ERP44: variants seen among roughly 807,000 people sequenced by gnomAD.
ERP44 encodes the protein endoplasmic reticulum protein 44, also known as endoplasmic reticulum resident protein 44.
In ERP44, 25 loss-of-function variants were observed where a neutral mutation model predicts 53.4. The ratio of observed to expected loss-of-function variants is 0.47; its 90% CI spans 0.34 to 0.65. The LOEUF is 0.65. Among genes scored for constraint, ERP44 ranks in the 30% least tolerant of loss-of-function variants. ERP44 has a pLI of 0.01. For missense variants in ERP44, 338 were observed against 493.2 expected (o/e 0.69, Z 2.98); for synonymous variants, 145 against 161.2 (o/e 0.90, Z 0.76).
intron 10 of ERP44, among the ~76,000 whole-genome samples, chr9:100,003,004 C>G (rs1830393868): frequency 6.6e-6 from 1 of 151,458 alleles, no homozygotes; most frequent in African/African-American, 2.4e-5. Flanking sequence ...TTCTTTTTTT[C>G]TTCTGTATGT....
chr9:100,095,101 TATAAA>T (rs1346536663), intron 1 of ERP44, among the ~76,000 whole-genome samples: 2 of 151,962 alleles, frequency 1.3e-5, no homozygotes, highest in African/African-American at 4.8e-5. Flanking sequence ...TTTATATAAT[TATAAA>T]ATAAAAGGTA....
Position 100,048,233 on chromosome 9 carries a change from A to C in ERP44, c.286+4184T>G, listed in dbSNP as rs536113823. Among the ~76,000 whole-genome samples, 9 of 152,270 alleles carry C rather than the reference A, an allele frequency of 5.9e-5. No individual in the cohort carries two copies. In the East Asian group the frequency reaches 1.3e-3, roughly 23 times the overall value. ...TATACCTAATGCTAAATGACGAGTT[A>C]ATGGGTGCAGCACACCAACATGGCA... On this transcript the variant is annotated intron_variant, in intron 4 of 11. Coordinates refer to ENST00000262455, the MANE Select transcript of ERP44 (RefSeq NM_015051.3).
chr9:100,067,875 C>T (rs1325364030), intron 1 of ERP44, among the ~76,000 whole-genome samples: 8 of 150,874 alleles, frequency 5.3e-5, no homozygotes, highest in Admixed American at 2.6e-4. Context: ...CCCCTCCGCC[C>T]GGCAGCCGCC....
chr9:99,996,810 T>G (rs1830313680), intron 10 of ERP44, among the ~76,000 whole-genome samples: 1 of 152,176 alleles, frequency 6.6e-6, no homozygotes, highest in Non-Finnish European at 1.5e-5. Flanking sequence ...GTTGCTTCAC[T>G]TAGAATAATA....
chr9:99,990,286 G>C (rs1376810009), intron 10 of ERP44, among the ~76,000 whole-genome samples: 2 of 152,222 alleles, frequency 1.3e-5, no homozygotes, highest in African/African-American at 4.8e-5. Context: ...TACCCACAAA[G>C]GGAAGCCCAT....
chr9:99,986,679 T>C (rs1217747772), intron 10 of ERP44, among the ~76,000 whole-genome samples: 1 of 152,156 alleles, frequency 6.6e-6, no homozygotes, highest in Non-Finnish European at 1.5e-5. Flanking sequence ...ATAACTTCAT[T>C]GTATACCCAT....
intron 6 of ERP44, 105 bp downstream of exon 6, chr9:100,020,511 G>T (rs1830576362): frequency 1.6e-6 from 1 of 643,726 alleles, no homozygotes. Flanking sequence ...TAAAAGGATT[G>T]AGATCATTTT....
chr9:100,014,420 G>T (rs901926319), intron 8 of ERP44, among the ~76,000 whole-genome samples: 3 of 152,120 alleles, frequency 2.0e-5, no homozygotes, highest in Non-Finnish European at 4.4e-5. Flanking sequence ...GAGTAGCTGG[G>T]ATTACAGGCG....
rs1185294864 is a variant in ERP44, at chr9:100,052,423, G to C, written c.280C>G (p.Gln94Glu). 1 of 1,600,120 alleles carries C rather than the reference G, an allele frequency of 6.2e-7. No individual in the cohort carries two copies. Among genetic ancestry groups the C allele is most frequent in the Middle Eastern group, 1.7e-4 (1 of 6,036 alleles). ...TTCCTATTGAGGTACTTACAGTGCT[G>C]ATCACAATCAACTCTGGCAAACACT... Reference protein sequence around the residue: ...QVVFARVDCDQHSDIAQRYRI... With the variant: ...QVVFARVDCDEHSDIAQRYRI... The change falls in exon 4 of 12, where the codon CAG (glutamine) becomes GAG (glutamate). Residue 94 changes from glutamine to glutamate, a missense_variant. By Grantham distance (29) the Gln-to-Glu change is conservative. Coordinates refer to ENST00000262455, the MANE Select transcript of ERP44 (RefSeq NM_015051.3).
intron 4 of ERP44, among the ~76,000 whole-genome samples, chr9:100,029,861 G>A (rs1223355251): frequency 1.3e-5 from 2 of 152,136 alleles, no homozygotes; most frequent in African/African-American, 2.4e-5. Context: ...AGACCGAGGC[G>A]GGCAGATCAT....
intron 10 of ERP44, among the ~76,000 whole-genome samples, chr9:100,001,711 T>C (rs1435772392): frequency 6.6e-6 from 1 of 152,202 alleles, no homozygotes; most frequent in Non-Finnish European, 1.5e-5. Context: ...GTGTCCCTTA[T>C]AGGTGAAGCG....
At chr9:99,990,581 T>A (rs1007030541) in intron 10 of ERP44, among the ~76,000 whole-genome samples, 2 of 152,156 alleles carry the variant, frequency 1.3e-5, no homozygotes, top group Non-Finnish European at 2.9e-5. Context: ...TAAAGACCAT[T>A]GATGCTAGGA....
chr9:100,003,545 T>C (rs1830399615), intron 10 of ERP44, among the ~76,000 whole-genome samples: 1 of 152,252 alleles, frequency 6.6e-6, no homozygotes, highest in African/African-American at 2.4e-5. Flanking sequence ...TCACACTGGC[T>C]GGCCTGGTGC....
chr9:100,026,673 G>A (rs1830656139), intron 4 of ERP44, among the ~76,000 whole-genome samples: 1 of 152,244 alleles, frequency 6.6e-6, no homozygotes, highest in South Asian at 2.1e-4. Context: ...ATGAAACCCT[G>A]TGAAAGTAAA....
chr9:100,068,636 C>T (rs1303890033), intron 1 of ERP44, among the ~76,000 whole-genome samples: 4 of 147,302 alleles, frequency 2.7e-5, no homozygotes, highest in Non-Finnish European at 4.5e-5. Context: ...AGCCCCCCAC[C>T]CGGCCAGCCG....
chr9:100,032,047 T>G (rs1185534553), intron 4 of ERP44, among the ~76,000 whole-genome samples: 2 of 152,158 alleles, frequency 1.3e-5, no homozygotes, highest in Non-Finnish European at 2.9e-5. Context: ...CTTGGCCCCC[T>G]AGAAGGTATG....
intron 1 of ERP44, among the ~76,000 whole-genome samples, chr9:100,078,324 G>A (rs1343906355): frequency 6.6e-6 from 1 of 151,572 alleles, no homozygotes; most frequent in Admixed American, 6.6e-5. Context: ...CAGGCGTGGT[G>A]GTGGGCAACT....
At chr9:100,039,103 C>G (rs1437905772) in intron 4 of ERP44, among the ~76,000 whole-genome samples, 1 of 152,010 alleles carries the variant, frequency 6.6e-6, no homozygotes, top group East Asian at 1.9e-4. Context: ...ACTTAAATAC[C>G]CTACTTTCAG....
intron 4 of ERP44, among the ~76,000 whole-genome samples, chr9:100,029,836 T>A (rs1825762043): frequency 6.6e-6 from 1 of 152,144 alleles, no homozygotes; most frequent in Non-Finnish European, 1.5e-5. Context: ...ATGCCTGTAA[T>A]CCCAGCACTT....
Sources: gnomAD v4.1 joint callset for allele counts (sites outside exome capture counted in the v4.1 genomes callset) on GRCh38, gnomAD v4.1.1 for gene constraint, MANE v1.5 for transcripts, NCBI Gene and HGNC (gene_info 2026-07-23, HGNC 2026-07-21) for gene names.